FADS3: variants seen among roughly 807,000 people sequenced by gnomAD.
FADS3 encodes the protein fatty acid desaturase 3, also known as cytochrome b5-related protein.
Under a neutral mutation model 60.4 loss-of-function variants are expected in FADS3, and 30 were observed. The observed-to-expected ratio is 0.50, with a 90% CI of 0.37 to 0.67. The LOEUF (loss-of-function observed/expected upper bound fraction) is 0.67. Ranked by LOEUF, FADS3 falls within the 30% of genes least tolerant of loss-of-function variation. The probability of loss-of-function intolerance (pLI) is 0.00; values close to 1 mark genes in which losing one functional copy is unlikely to be tolerated. For synonymous variants in FADS3, 234 were observed against 249.3 expected (o/e 0.94, Z 0.58); for missense variants, 432 against 598.3 (o/e 0.72, Z 2.90).
chr11:61,874,786 T>C (rs758106065), intron 11 of FADS3, among the ~76,000 whole-genome samples: 1 of 152,084 alleles, frequency 6.6e-6, no homozygotes, highest in Admixed American at 6.5e-5. Flanking sequence ...CCCTACCACC[T>C]ATTTAGAAAC....
intron 2 of FADS3, 119 bp downstream of exon 2, chr11:61,879,922 C>T: frequency 1.3e-6 from 1 of 772,606 alleles, no homozygotes; most frequent in Non-Finnish European, 2.1e-6. Flanking sequence ...TCAGCCCTGG[C>T]TCTGCATCCC....
chr11:61,875,225 TGA>T (rs1176494839), intron 11 of FADS3, among the ~76,000 whole-genome samples: 1 of 152,130 alleles, frequency 6.6e-6, no homozygotes, highest in Non-Finnish European at 1.5e-5. Context: ...TGTTTGTTTT[TGA>T]GAGAGTCTTG....
At chr11:61,879,910 G>C in intron 2 of FADS3, 131 bp downstream of exon 2, 1 of 695,010 alleles carries the variant, frequency 1.4e-6, no homozygotes, top group Non-Finnish European at 2.4e-6. Context: ...GGGAGGGCAG[G>C]CTCAGCCCTG....
intron 1 of FADS3, among the ~76,000 whole-genome samples, chr11:61,886,507 T>C (rs955600060): frequency 4.1e-4 from 62 of 152,020 alleles, no homozygotes; most frequent in African/African-American, 1.5e-3. Flanking sequence ...AGGCAGTCAA[T>C]GTGGTAGGAG....
chr11:61,889,193 G>A (rs778408697), intron 1 of FADS3, among the ~76,000 whole-genome samples: 3 of 151,996 alleles, frequency 2.0e-5, no homozygotes, highest in Admixed American at 2.0e-4. Flanking sequence ...CACAGCGCTC[G>A]GCCTGAGATG....
In FADS3 at chr11:61,876,116, C is replaced by T. The variant is rs748468407; in HGVS notation, c.1155G>A (p.Glu385=). 1 of 1,573,548 alleles carries T rather than the reference C, an allele frequency of 6.4e-7. No individual in the cohort carries two copies. The highest frequency in any genetic ancestry group is 2.4e-5 in the East Asian group (1 of 41,946). ...CCCCCAGCACCCACACTCACTGGTG[C>T]TCGATCTGGAAGTTGAGGTGCCCGC... ...WFSGHLNFQI[E]HHLFPRMPRH... Residue 385 remains glutamate (E), a synonymous_variant, in exon 10 of 12, where the codon GAG becomes GAA. Transcript: ENST00000278829. This position sits in a 1 kb window ranked among gnomAD's most constrained non-coding sequence, Gnocchi z 5.7.
chr11:61,888,616 G>A (rs1938391467), intron 1 of FADS3, among the ~76,000 whole-genome samples: 1 of 152,200 alleles, frequency 6.6e-6, no homozygotes, highest in East Asian at 1.9e-4. Context: ...CCAGGAAAGG[G>A]GTAGCCGTGC....
In FADS3 at chr11:61,891,524, G is replaced by A. The variant is rs1938517487; in HGVS notation, c.-143C>T. On this transcript the variant is annotated 5_prime_UTR_variant, in exon 1 of 12. Coordinates refer to ENST00000278829, the MANE Select transcript of FADS3 (RefSeq NM_021727.5). ...CCCTGCCGCCGCGGCCGCCGTACGA[G>A]CGAGCGTGCGCCTCCCGGCTCGCGG... 2.2e-6 allele frequency: 1 copy of A among 460,676 alleles called. No individual in the cohort carries two copies. The highest frequency in any genetic ancestry group is 3.3e-6 in the Non-Finnish European group (1 of 299,592). The allele number at this position is 460,676 out of a possible 1,614,324, so 28.5% of individuals were successfully genotyped here.
Position 61,876,595 on chromosome 11 carries a change from T to G in FADS3, c.984-140A>C. On this transcript the variant is annotated intron_variant, in intron 8 of 11. Transcript: ENST00000278829. The surrounding 1 kb of genome is among the most constrained non-coding windows in gnomAD (Gnocchi z 5.7). ...ATTGTGGCCATCGCCCCCTTGCCAG[T>G]GTTTAAAGAATCTGAATGGAGCAGT... 1 of 730,984 alleles carries G rather than the reference T, an allele frequency of 1.4e-6. No individual in the cohort carries two copies. The highest frequency in any genetic ancestry group is 2.4e-6 in the Non-Finnish European group (1 of 420,350). The allele number at this position is 730,984 out of a possible 1,614,324, so 45.3% of individuals were successfully genotyped here.
At chr11:61,880,398 C>T (rs2135995235) in intron 1 of FADS3, 2 of 340,830 alleles carry the variant, frequency 5.9e-6, no homozygotes, top group South Asian at 1.8e-4. Flanking sequence ...AAGGGCCCCT[C>T]TCTGAACACG....
Position 61,876,464 on chromosome 11 carries a change from A to G in FADS3, c.984-9T>C, listed in dbSNP as rs1303355927. On this transcript the variant is annotated splice_polypyrimidine_tract_variant and intron_variant, in intron 8 of 11. Transcript: ENST00000278829. The surrounding 1 kb of genome is among the most constrained non-coding windows in gnomAD (Gnocchi z 5.7). ...AGTGGCTTTCCAGGACCCTGTGGGG[A>G]GGCTCGGGCACTGCCCTAGGTCCAG... 1 of 1,612,164 alleles carries G rather than the reference A, an allele frequency of 6.2e-7. No homozygotes were observed. The highest frequency in any genetic ancestry group is 1.1e-5 in the South Asian group (1 of 91,058).
intron 11 of FADS3, among the ~76,000 whole-genome samples, chr11:61,874,508 G>C (rs927773756): frequency 6.6e-6 from 1 of 152,178 alleles, no homozygotes; most frequent in Non-Finnish European, 1.5e-5. Flanking sequence ...ATCACCCCTC[G>C]CCTGGATGGC....
chr11:61,877,128 A>G lies in FADS3; in HGVS notation c.886-165T>C. 1.7e-6 allele frequency: 1 copy of G among 579,324 alleles called. No individual in the cohort carries two copies. Among genetic ancestry groups the G allele is most frequent in the Non-Finnish European group, 3.1e-6 (1 of 325,948 alleles). 35.9% of individuals were successfully genotyped at this position (579,324 alleles called of 1,614,324 possible). A position where few individuals can be genotyped will look rare whatever the true frequency, so the allele number is the denominator to read the frequency against. ...TCTGGTTTTCTCAGCTGAGTAAAGG[A>G]ACAGGGTCCTTGCCCTGCCAGCTCA... On this transcript the variant is annotated intron_variant, in intron 7 of 11. Coordinates refer to ENST00000278829, the MANE Select transcript of FADS3 (RefSeq NM_021727.5). This position sits in a 1 kb window ranked among gnomAD's most constrained non-coding sequence, Gnocchi z 4.7.
At chr11:61,887,401 C>T (rs1423873595) in intron 1 of FADS3, among the ~76,000 whole-genome samples, 2 of 152,078 alleles carry the variant, frequency 1.3e-5, no homozygotes, top group Non-Finnish European at 2.9e-5. Flanking sequence ...GAAGGCTCTG[C>T]CTTCACTCTC....
chr11:61,884,386 T>C (rs113783951), intron 1 of FADS3, among the ~76,000 whole-genome samples: 235 of 152,010 alleles, frequency 1.5e-3, no homozygotes, highest in African/African-American at 5.6e-3. Context: ...AGATGAGGGG[T>C]TGACGGGTGC....
In FADS3 at chr11:61,876,303, G is replaced by A. The variant is rs147183875; in HGVS notation, c.1080+56C>T. 2,547 of 1,593,904 alleles carry A rather than the reference G, an allele frequency of 1.6e-3. 8 individuals are homozygous for A. Among genetic ancestry groups the A allele is most frequent in the South Asian group, 2.3e-3 (203 of 90,116 alleles). The stretch of plus-strand genomic sequence containing the variant: ...GGCCTCATCCCTGCTTTGCCATCTG[G>A]CTCCTAGCTGGGACCCCCCACCCCA... On this transcript the variant is annotated intron_variant, in intron 9 of 11. Transcript: ENST00000278829. This position sits in a 1 kb window ranked among gnomAD's most constrained non-coding sequence, Gnocchi z 5.7.
rs1591205438 is a variant in FADS3 at position 61,891,075 on chromosome 11, A to G, written c.213+94T>C. The G allele has an allele frequency of 3.7e-6, 4 of 1,085,084 alleles. No homozygotes were observed. The East Asian group carries it at 1.0e-4, about 28-fold the overall frequency. 67.2% of individuals were successfully genotyped at this position (1,085,084 alleles called of 1,614,324 possible). On this transcript the variant is annotated intron_variant, in intron 1 of 11. Transcript: ENST00000278829. The stretch of plus-strand genomic sequence containing the variant: ...TCAAAGGTCAGCGAGGGGAGGGAGG[A>G]TGCTAAGGCCCCACAGGTGGAGCGG...
At chr11:61,874,703 C>G (rs1480883706) in intron 11 of FADS3, among the ~76,000 whole-genome samples, 1 of 152,128 alleles carries the variant, frequency 6.6e-6, no homozygotes, top group African/African-American at 2.4e-5. Context: ...CGCTCTTTGC[C>G]AGATGTCCCT....
Position 61,877,485 on chromosome 11 carries a change from C to T in FADS3, c.885+26G>A. 1 of 1,609,286 alleles carries T rather than the reference C, an allele frequency of 6.2e-7. No homozygotes were observed. Among genetic ancestry groups the T allele is most frequent in the Non-Finnish European group, 8.5e-7 (1 of 1,178,446 alleles). The stretch of plus-strand genomic sequence containing the variant: ...ACCTCCTGCCACGGCAGCCGTATGC[C>T]CGGGGTCCTGGGCAACCCCACTCAC... On this transcript the variant is annotated intron_variant, in intron 7 of 11. Transcript: ENST00000278829. This position sits in a 1 kb window ranked among gnomAD's most constrained non-coding sequence, Gnocchi z 4.7.
Sources: allele counts gnomAD v4.1 joint callset (sites outside exome capture counted in the v4.1 genomes callset), GRCh38; gene constraint gnomAD v4.1.1; non-coding constraint Gnocchi (gnomAD v3.1); transcripts MANE v1.5; gene names NCBI Gene and HGNC (gene_info 2026-07-23, HGNC 2026-07-21).